PAG1: variants seen among roughly 807,000 people sequenced by gnomAD.
PAG1 encodes the protein phosphoprotein associated with glycosphingolipid-enriched microdomains 1.
A neutral mutation model predicts 31.7 loss-of-function variants in PAG1; 23 were observed. That is an observed-to-expected ratio of 0.73 (90% CI 0.52 to 1.03). The LOEUF is 1.03. Among genes scored for constraint, PAG1 ranks in the 50% least tolerant of loss-of-function variants. PAG1 has a pLI of 0.00. For synonymous variants in PAG1, 214 were observed against 210.3 expected, an observed-to-expected ratio of 1.02 and a Z score of -0.15; for missense variants, 473 against 540.7, an observed-to-expected ratio of 0.87 and a Z score of 1.24.
Position 80,976,845 on chromosome 8 carries a change from G to C in PAG1, c.998C>G (p.Ser333Trp). ...GTAGGTGGACTCCGGAACTGTAAGC[G>C]ACTGCCCCGATTTATTCACTAACTG... ...PGQLVNKSGQ[S>W]LTVPESTYTS... is the part of the protein sequence containing the mutation. The change falls in exon 9 of 9, where the codon TCG (serine) becomes TGG (tryptophan). Residue 333 changes from serine to tryptophan, a missense_variant. Ser to Trp is a radical substitution (Grantham distance 177). Transcript: ENST00000220597. 5 of 1,613,440 alleles carry C rather than the reference G, an allele frequency of 3.1e-6. No individual in the cohort carries two copies. Among genetic ancestry groups the C allele is most frequent in the Non-Finnish European group, 3.4e-6 (4 of 1,179,422 alleles).
intron 2 of PAG1, among the ~76,000 whole-genome samples, chr8:81,050,178 G>A (rs1012790375): frequency 6.6e-6 from 1 of 151,942 alleles, no homozygotes; most frequent in Non-Finnish European, 1.5e-5. Flanking sequence ...GCTATTCCTC[G>A]ATGCTCAAAA....
intron 2 of PAG1, among the ~76,000 whole-genome samples, chr8:81,049,602 G>A (rs754014557): frequency 4.6e-5 from 7 of 152,156 alleles, no homozygotes; most frequent in Non-Finnish European, 7.3e-5. Flanking sequence ...ATATGCATTC[G>A]TTGAATGCTA....
chr8:81,099,476 G>T (rs1229755146), intron 1 of PAG1, among the ~76,000 whole-genome samples: 2 of 152,118 alleles, frequency 1.3e-5, no homozygotes, highest in Non-Finnish European at 2.9e-5. Flanking sequence ...ATTAGTCTGA[G>T]AGTTCCGATA....
Position 81,086,171 on chromosome 8 carries a change from C to T in PAG1, c.-233-16001G>A, listed in dbSNP as rs1476894532. On this transcript the variant is annotated intron_variant, in intron 1 of 8. Transcript: ENST00000220597. ...TAATTTTTTGTATTTTTAGTAGAGA[C>T]GGGGTTTCACCATGTTAGCCAGGAT... Among the ~76,000 whole-genome samples the T allele has an allele frequency of 2.0e-5, 3 of 150,912 alleles. No homozygotes were observed. The South Asian group carries it at 6.3e-4, about 32-fold the overall frequency.
At chr8:81,040,968 A>C (rs1378716043) in intron 2 of PAG1, 2 of 152,244 alleles carry the variant, frequency 1.3e-5, no homozygotes, top group African/African-American at 2.4e-5. Flanking sequence ...TGTCTATTAC[A>C]GTTGGTAAAA....
At chr8:81,063,184 G>A (rs577939423) in intron 2 of PAG1, among the ~76,000 whole-genome samples, 5 of 152,318 alleles carry the variant, frequency 3.3e-5, no homozygotes, top group South Asian at 2.1e-4. Context: ...TCCAGCCTGC[G>A]TGGGTCTCCT....
chr8:81,046,007 C>G (rs997283065), intron 2 of PAG1, among the ~76,000 whole-genome samples: 3 of 152,164 alleles, frequency 2.0e-5, no homozygotes, highest in African/African-American at 7.2e-5. Flanking sequence ...TTACATTATC[C>G]TGATTCTCTC....
At chr8:81,100,136 C>G (rs1809586565) in intron 1 of PAG1, among the ~76,000 whole-genome samples, 1 of 152,150 alleles carries the variant, frequency 6.6e-6, no homozygotes, top group African/African-American at 2.4e-5. Context: ...TTATTTTTAT[C>G]TTAACATGCC....
At chr8:81,081,661 T>A (rs146876512) in intron 1 of PAG1, among the ~76,000 whole-genome samples, 1 of 152,188 alleles carries the variant, frequency 6.6e-6, no homozygotes, top group East Asian at 1.9e-4. Context: ...GAATGTTATA[T>A]AAATGGAGTC....
chr8:81,054,008 G>A (rs1808774524), intron 2 of PAG1, among the ~76,000 whole-genome samples: 1 of 152,100 alleles, frequency 6.6e-6, no homozygotes, highest in African/African-American at 2.4e-5. Context: ...GCTAAAGGAC[G>A]AGTGTGCCTG....
chr8:81,053,180 T>G (rs1808760856), intron 2 of PAG1, among the ~76,000 whole-genome samples: 1 of 152,024 alleles, frequency 6.6e-6, no homozygotes, highest in African/African-American at 2.4e-5. Context: ...CAAGAAAAAA[T>G]GATAATCTGA....
At chr8:80,992,163 C>T (rs912331421) in intron 4 of PAG1, among the ~76,000 whole-genome samples, 18 of 152,288 alleles carry the variant, frequency 1.2e-4, no homozygotes, top group Admixed American at 5.2e-4. Context: ...GCCGTCCAGG[C>T]CCCGGGAAGC....
At chr8:81,103,216 T>C (rs1809637263) in intron 1 of PAG1, among the ~76,000 whole-genome samples, 1 of 150,720 alleles carries the variant, frequency 6.6e-6, no homozygotes, top group Non-Finnish European at 1.5e-5. Context: ...TTTGCATAAA[T>C]AACCTGTGGC....
chr8:81,109,049 C>T (rs186703640), intron 1 of PAG1, among the ~76,000 whole-genome samples: 1 of 152,132 alleles, frequency 6.6e-6, no homozygotes, highest in African/African-American at 2.4e-5. Flanking sequence ...GACCACCACC[C>T]TCCAGTGTAA....
At chr8:81,027,670 C>T (rs569733037) in intron 3 of PAG1, among the ~76,000 whole-genome samples, 79 of 152,230 alleles carry the variant, frequency 5.2e-4, no homozygotes, top group African/African-American at 1.8e-3. Context: ...CTTTGGGAGG[C>T]CGAGGCAGGC....
In PAG1 at chr8:80,984,817, C is replaced by T. The variant is rs1807380206; in HGVS notation, c.835G>A (p.Ala279Thr). ...ENLQEKEGGE[A>T]EESATDTTSE... Reference sequence around the variant, plus strand: ...GTCGTGTCTGTGGCACTCTCTTCCGCCTCTCCCCCTTCCTTCTCCTGAAGG... The same window carrying T: ...GTCGTGTCTGTGGCACTCTCTTCCGTCTCTCCCCCTTCCTTCTCCTGAAGG... Residue 279 changes from alanine to threonine, a missense_variant, in exon 7 of 9, where the codon GCG becomes ACG. Ala to Thr is a moderately conservative substitution (Grantham distance 58). Transcript: ENST00000220597. The T allele has an allele frequency of 6.2e-7, 1 of 1,614,120 alleles. No individual in the cohort carries two copies. The highest frequency in any genetic ancestry group is 8.5e-7 in the Non-Finnish European group (1 of 1,179,984).
intron 2 of PAG1, among the ~76,000 whole-genome samples, chr8:81,049,477 G>A (rs76952793): frequency 0.021 from 3,257 of 152,184 alleles, 111 homozygotes; most frequent in African/African-American, 0.068. Flanking sequence ...AGCACATAAA[G>A]GAATTACAAT....
intron 2 of PAG1, among the ~76,000 whole-genome samples, chr8:81,058,944 A>G (rs1384777310): frequency 6.6e-6 from 1 of 152,152 alleles, no homozygotes; most frequent in Non-Finnish European, 1.5e-5. Context: ...CTATATAACT[A>G]TTTCTTTAAT....
In PAG1 at chr8:80,970,975, G is replaced by A. The variant is rs1807065565; in HGVS notation, c.*5569C>T. The stretch of plus-strand genomic sequence containing the variant: ...AGGGGTATTGCCACACAAAGCGATA[G>A]GCCAGCTAAGTACCAGGAGACAAAC... On this transcript the variant is annotated 3_prime_UTR_variant, in exon 9 of 9. Coordinates refer to ENST00000220597, the MANE Select transcript of PAG1 (RefSeq NM_018440.4). 1 of 152,772 alleles carries A rather than the reference G, an allele frequency of 6.5e-6. No individual in the cohort carries two copies. The highest frequency in any genetic ancestry group is 1.5e-5 in the Non-Finnish European group (1 of 68,156). The allele number at this position is 152,772 out of a possible 1,614,324, so 9.5% of individuals were successfully genotyped here. A position where few individuals can be genotyped will look rare whatever the true frequency, so the allele number is the denominator to read the frequency against.
Sources: allele counts gnomAD v4.1 joint callset (sites outside exome capture counted in the v4.1 genomes callset), GRCh38; gene constraint gnomAD v4.1.1; transcripts MANE v1.5; gene names NCBI Gene and HGNC (gene_info 2026-07-23, HGNC 2026-07-21).